PLCL1: variants seen among roughly 807,000 people sequenced by gnomAD.
PLCL1 encodes the protein phospholipase C like 1 (inactive).
PLCL1 carries 41 observed loss-of-function variants against 84.4 expected under a neutral mutation model. That is an observed-to-expected ratio of 0.49 (90% confidence interval 0.38 to 0.63). The LOEUF is 0.63. PLCL1 is among the 30% of genes least tolerant of loss of function. The pLI, the probability that PLCL1 is intolerant of heterozygous loss-of-function variation, is 0.00. For synonymous variants in PLCL1, 490 were observed against 488.3 expected (o/e 1.00, Z -0.05); for missense variants, 1,206 against 1,367.8 (o/e 0.88, Z 1.87).
chr2:197,926,827 C>G (rs940174105), intron 1 of PLCL1, among the ~76,000 whole-genome samples: 2 of 152,062 alleles, frequency 1.3e-5, no homozygotes, highest in Non-Finnish European at 2.9e-5. Flanking sequence ...ACTTGGCTAT[C>G]CTGTGGTACT....
chr2:198,022,793 G>A (rs1166557061), intron 1 of PLCL1, among the ~76,000 whole-genome samples: 1 of 152,210 alleles, frequency 6.6e-6, no homozygotes, highest in African/African-American at 2.4e-5. Context: ...TGGATAGGAA[G>A]AATCGATATA....
chr2:198,076,038 AC>A (rs970538970), intron 1 of PLCL1, among the ~76,000 whole-genome samples: 7 of 152,210 alleles, frequency 4.6e-5, no homozygotes, highest in Non-Finnish European at 4.4e-5. Context: ...TGAGATAATC[AC>A]TTTTATTTAG....
intron 3 of PLCL1, among the ~76,000 whole-genome samples, chr2:198,096,874 C>A (rs1184584330): frequency 6.6e-6 from 1 of 152,114 alleles, no homozygotes; most frequent in Non-Finnish European, 1.5e-5. Flanking sequence ...ACAGTTAAGC[C>A]AGGCATAATG....
chr2:197,896,977 T>C (rs1688146994), intron 1 of PLCL1, among the ~76,000 whole-genome samples: 1 of 152,134 alleles, frequency 6.6e-6, no homozygotes, highest in Non-Finnish European at 1.5e-5. Context: ...AGATTTGGGG[T>C]TTATGACAGA....
chr2:198,078,569 T>G (rs1692636371), intron 1 of PLCL1, among the ~76,000 whole-genome samples: 1 of 152,126 alleles, frequency 6.6e-6, no homozygotes, highest in South Asian at 2.1e-4. Flanking sequence ...TATAAATCTT[T>G]CCCTCCCTTA....
intron 1 of PLCL1, among the ~76,000 whole-genome samples, chr2:197,943,188 C>T (rs1214600018): frequency 8.5e-6 from 1 of 117,060 alleles, no homozygotes; most frequent in South Asian, 2.8e-4. Flanking sequence ...CAGAGTGAGA[C>T]CCTCTCTCAA....
At chr2:197,874,793 T>A (rs1176842039) in intron 1 of PLCL1, among the ~76,000 whole-genome samples, 1 of 152,074 alleles carries the variant, frequency 6.6e-6, no homozygotes, top group East Asian at 1.9e-4. Flanking sequence ...TTTTCTAGGG[T>A]TTGCAGTGTA....
At position 198,141,380 on chromosome 2, in the gene PLCL1, C is replaced by G. The variant is rs201960327; in HGVS notation, c.3106-5400C>G. 2.6e-5 allele frequency among the ~76,000 whole-genome samples: 4 copies of G among 151,190 alleles called. No homozygotes were observed. The East Asian group carries it at 7.8e-4, about 29-fold the overall frequency. On this transcript the variant is annotated intron_variant, in intron 5 of 5. Transcript: ENST00000428675. ...TAACATCTTGTATATAATTCCTACA[C>G]AGATAGGCCTTCATTCTAGAGAGCA... is the stretch of plus-strand genomic sequence containing the variant.
intron 1 of PLCL1, among the ~76,000 whole-genome samples, chr2:197,926,211 C>T (rs1262222721): frequency 6.6e-6 from 1 of 152,196 alleles, no homozygotes; most frequent in Non-Finnish European, 1.5e-5. Context: ...AGCCCCAAAC[C>T]AACCCTGTGG....
At chr2:197,827,386 A>G (rs1289422578) in intron 1 of PLCL1, among the ~76,000 whole-genome samples, 2 of 152,112 alleles carry the variant, frequency 1.3e-5, no homozygotes, top group Non-Finnish European at 2.9e-5. Flanking sequence ...GTATATATAT[A>G]TATAGGCATA....
intron 1 of PLCL1, among the ~76,000 whole-genome samples, chr2:197,983,131 G>A (rs1293583693): frequency 1.3e-5 from 2 of 149,244 alleles, no homozygotes; most frequent in Non-Finnish European, 3.0e-5. Context: ...TTCTCTTGGG[G>A]ATTAAATAAG....
At chr2:198,014,509 T>C (rs1559074129) in intron 1 of PLCL1, among the ~76,000 whole-genome samples, 1 of 152,166 alleles carries the variant, frequency 6.6e-6, no homozygotes, top group South Asian at 2.1e-4. Flanking sequence ...ATTAGTCCAG[T>C]GCCTGGCACA....
chr2:198,062,733 A>G lies in PLCL1; in HGVS notation c.241-21025A>G, dbSNP rs536828143. Among the ~76,000 whole-genome samples, 8 of 152,284 alleles carry G rather than the reference A, an allele frequency of 5.3e-5. No homozygotes were observed. The South Asian group carries it at 1.7e-3, about 32-fold the overall frequency. On this transcript the variant is annotated intron_variant, in intron 1 of 5. Transcript: ENST00000428675. ...CACTTGGGGGTGAGCCTAGGGTATC[A>G]TTTGTTAAAAAAAATAAATTCCTGG...
intron 1 of PLCL1, among the ~76,000 whole-genome samples, chr2:197,970,389 C>T (rs943303016): frequency 6.6e-6 from 1 of 152,182 alleles, no homozygotes; most frequent in Non-Finnish European, 1.5e-5. Context: ...GGTGCCACCT[C>T]TTAATACTGT....
intron 1 of PLCL1, among the ~76,000 whole-genome samples, chr2:197,847,813 A>G (rs1415845925): frequency 6.6e-6 from 1 of 152,204 alleles, no homozygotes; most frequent in Non-Finnish European, 1.5e-5. Flanking sequence ...TTGTGCTGAA[A>G]TGCCAAGCTG....
At chr2:197,867,385 T>A (rs1275705091) in intron 1 of PLCL1, among the ~76,000 whole-genome samples, 2 of 94,044 alleles carry the variant, frequency 2.1e-5, no homozygotes, top group African/African-American at 7.4e-5. Context: ...TCTGTAGGTA[T>A]TTTTTTTTTT....
intron 5 of PLCL1, among the ~76,000 whole-genome samples, chr2:198,143,713 T>A (rs2105947913): frequency 6.6e-6 from 1 of 152,288 alleles, no homozygotes; most frequent in South Asian, 2.1e-4. Context: ...TTCTGGTGCC[T>A]TGATTCGGAA....
intron 1 of PLCL1, among the ~76,000 whole-genome samples, chr2:197,967,868 G>T (rs1018995113): frequency 2.0e-5 from 3 of 152,076 alleles, no homozygotes; most frequent in Admixed American, 6.5e-5. Context: ...TAACTCAAAG[G>T]CCTGATCCAT....
intron 1 of PLCL1, among the ~76,000 whole-genome samples, chr2:197,871,838 C>T (rs75545338): frequency 2.3e-3 from 350 of 152,210 alleles, no homozygotes; most frequent in African/African-American, 6.2e-3. Context: ...CATAAGAACA[C>T]GACCAGCACT....
Sources: gnomAD v4.1 joint callset for allele counts (sites outside exome capture counted in the v4.1 genomes callset) on GRCh38, gnomAD v4.1.1 for gene constraint, MANE v1.5 for transcripts, NCBI Gene and HGNC (gene_info 2026-07-23, HGNC 2026-07-21) for gene names.